TCF4: variants seen among roughly 807,000 people sequenced by gnomAD.
TCF4 encodes SL3-3 enhancer factor 2.
Under a neutral mutation model 82.1 loss-of-function variants are expected in TCF4, and 3 were observed. The observed-to-expected ratio is 0.04, with a 90% CI of 0.02 to 0.09. The LOEUF is 0.09. Among genes scored for constraint, TCF4 ranks in the 10% least tolerant of loss-of-function variants. The pLI is 1.00. For synonymous variants in TCF4, 276 were observed against 309.6 expected, an observed-to-expected ratio of 0.89 and a Z score of 1.14; for missense variants, 518 against 852.7, an observed-to-expected ratio of 0.61 and a Z score of 4.89.
chr18:55,438,647 A>G (rs1416801024), intron 5 of TCF4, among the ~76,000 whole-genome samples: 2 of 152,208 alleles, frequency 1.3e-5, no homozygotes, highest in African/African-American at 4.8e-5. Context: ...TAGGAAAGGT[A>G]GCACTGGAGA....
chr18:55,585,240 C>T, intron 3 of TCF4, 40 bp downstream of exon 3: 1 of 1,570,384 alleles, frequency 6.4e-7, no homozygotes, highest in Non-Finnish European at 8.8e-7. Flanking sequence ...ATAAACAGCC[C>T]AGAACATTTA....
chr18:55,231,497 C>G (rs1039873679), intron 17 of TCF4: 2 of 152,150 alleles, frequency 1.3e-5, no homozygotes, highest in Non-Finnish European at 2.9e-5. Context: ...AATGTTGTTC[C>G]AAAACTTCAA....
intron 2 of TCF4, chr18:55,585,780 A>G: frequency 4.5e-6 from 5 of 1,100,682 alleles, no homozygotes; most frequent in Non-Finnish European, 5.6e-6. Flanking sequence ...TGCCTGTCAT[A>G]TGTGAACCCA....
At chr18:55,560,645 CTT>C (rs1486433713) in intron 3 of TCF4, among the ~76,000 whole-genome samples, 1 of 152,168 alleles carries the variant, frequency 6.6e-6, no homozygotes, top group African/African-American at 2.4e-5. Flanking sequence ...CTAGCCATCT[CTT>C]TGAGGAAATT....
At chr18:55,437,497 C>A (rs1447786547) in intron 5 of TCF4, among the ~76,000 whole-genome samples, 1 of 152,120 alleles carries the variant, frequency 6.6e-6, no homozygotes, top group African/African-American at 2.4e-5. Context: ...ACACAAATAT[C>A]TTAGTGGTAA....
At chr18:55,302,380 T>C (rs1439536443) in intron 8 of TCF4, 28 of 1,531,910 alleles carry the variant, frequency 1.8e-5, no homozygotes, top group Admixed American at 5.9e-5. Context: ...TCAGGCAGGC[T>C]CAGGATAGAC....
intron 6 of TCF4, chr18:55,402,279 C>A: frequency 1.0e-6 from 1 of 961,208 alleles, no homozygotes; most frequent in Non-Finnish European, 1.2e-6. Context: ...AACAAACACA[C>A]CAACCCACCA....
chr18:55,635,634 G>A, intron 1 of TCF4: 3 of 1,496,316 alleles, frequency 2.0e-6, no homozygotes, highest in Admixed American at 2.2e-5. Context: ...GGCCATGGTG[G>A]CCATGGGAGA....
intron 5 of TCF4, among the ~76,000 whole-genome samples, chr18:55,444,464 T>C (rs1363703765): frequency 6.6e-6 from 1 of 152,180 alleles, no homozygotes. Flanking sequence ...TGTTCTACAA[T>C]GTGTTGAAAG....
At chr18:55,516,393 T>TG (rs1163631602) in intron 3 of TCF4, among the ~76,000 whole-genome samples, 1 of 152,022 alleles carries the variant, frequency 6.6e-6, no homozygotes, top group East Asian at 1.9e-4. Context: ...GGTTTTTTTT[T>TG]AAAGGTTTAT....
At chr18:55,315,243 G>A (rs1602348637) in intron 8 of TCF4, among the ~76,000 whole-genome samples, 1 of 152,256 alleles carries the variant, frequency 6.6e-6, no homozygotes, top group East Asian at 1.9e-4. Flanking sequence ...TAGGTGGGGA[G>A]AACGGAGTTT....
chr18:55,237,540 G>A (rs540265942), intron 15 of TCF4, among the ~76,000 whole-genome samples: 6 of 143,270 alleles, frequency 4.2e-5, no homozygotes, highest in African/African-American at 1.3e-4. Flanking sequence ...TGCAATCTCC[G>A]TTCACTGCAA....
At chr18:55,413,842 A>C (rs2094439004) in intron 5 of TCF4, among the ~76,000 whole-genome samples, 1 of 152,252 alleles carries the variant, frequency 6.6e-6, no homozygotes, top group Admixed American at 6.5e-5. Flanking sequence ...TTTAATCCTG[A>C]AACTTGCAAA....
rs371642766 is a variant in TCF4, at chr18:55,552,690, C to T, written c.145+32590G>A. ...GGGCAAAATGCCACTGAACGCATGG[C>T]TGCAGTTCAATTGACGTGTTCTGCC... is the stretch of plus-strand genomic sequence containing the variant. On this transcript the variant is annotated intron_variant, in intron 3 of 19. Transcript: ENST00000354452. 1.6e-4 allele frequency among the ~76,000 whole-genome samples: 25 copies of T among 152,354 alleles called. No individual in the cohort carries two copies. The South Asian group carries it at 5.2e-3, about 32-fold the overall frequency.
chr18:55,480,296 A>AAAGG (rs1568175293), intron 3 of TCF4, among the ~76,000 whole-genome samples: 14 of 63,370 alleles, frequency 2.2e-4, no homozygotes, highest in Non-Finnish European at 2.4e-4. Flanking sequence ...AAAAAAAAAA[A>AAAGG]GCGGGGGGGC....
intron 3 of TCF4, among the ~76,000 whole-genome samples, chr18:55,487,865 GATTGTATACAAAGCTCTCCATTTTCT>G (rs2096534123): frequency 6.6e-6 from 1 of 151,858 alleles, no homozygotes; most frequent in Non-Finnish European, 1.5e-5. Context: ...TTACCCAAGG[GATTGTATACAAAGCTCTCCATTTTCT>G]TAAAAAAAAA....
intron 8 of TCF4, among the ~76,000 whole-genome samples, chr18:55,286,318 T>C (rs1788031): frequency 0.044 from 6,639 of 151,062 alleles, 282 homozygotes; most frequent in African/African-American, 0.11. Flanking sequence ...TTTTTTTTTT[T>C]CAGATGTTCC....
At chr18:55,305,218 A>C (rs59909085) in intron 8 of TCF4, among the ~76,000 whole-genome samples, 8,086 of 152,296 alleles carry the variant, frequency 0.053, 273 homozygotes, top group African/African-American at 0.093. Flanking sequence ...TTTAGGGAGA[A>C]GGCAAGAGAG....
chr18:55,314,977 C>T (rs1045286329), intron 8 of TCF4, among the ~76,000 whole-genome samples: 3 of 152,080 alleles, frequency 2.0e-5, no homozygotes, highest in African/African-American at 7.2e-5. Flanking sequence ...TTAACATCCC[C>T]TATTCATTTT....
Sources: gnomAD v4.1 joint callset for allele counts (sites outside exome capture counted in the v4.1 genomes callset) on GRCh38, gnomAD v4.1.1 for gene constraint, MANE v1.5 for transcripts, NCBI Gene and HGNC (gene_info 2026-07-23, HGNC 2026-07-21) for gene names.